ZNF248: variants seen among roughly 807,000 people sequenced by gnomAD.
The protein encoded by ZNF248 is KRAB protein domain.
A neutral mutation model predicts 44.3 loss-of-function variants in ZNF248; 20 were observed. That is an observed-to-expected ratio of 0.45 (90% CI 0.32 to 0.66). The LOEUF (loss-of-function observed/expected upper bound fraction) is 0.66, where lower values mean the gene tolerates loss of function less well. ZNF248 is among the 30% of genes least tolerant of loss of function. The probability of loss-of-function intolerance (pLI) is 0.04; values close to 1 mark genes in which losing one functional copy is unlikely to be tolerated. For synonymous variants in ZNF248, 224 were observed against 229.0 expected, an observed-to-expected ratio of 0.98 and a Z score of 0.20; for missense variants, 654 against 677.0, an observed-to-expected ratio of 0.97 and a Z score of 0.38.
At chr10:37,772,253 A>C (rs1212968035), downstream of ZNF248, among the ~76,000 whole-genome samples, 2 of 150,080 alleles carry the variant, frequency 1.3e-5, no homozygotes. Flanking sequence ...CAACAGAGTG[A>C]GACTGTCTCA....
intron 6 of ZNF248, among the ~76,000 whole-genome samples, chr10:37,790,036 C>G (rs897175558): frequency 6.7e-6 from 1 of 149,096 alleles, no homozygotes; most frequent in South Asian, 2.1e-4. Context: ...CTGAGGTGGG[C>G]GGATCACAAG....
Position 37,831,872 on chromosome 10 carries a change from T to C in ZNF248, c.1483A>G (p.Asn495Asp), listed in dbSNP as rs1373498820. 1 of 1,614,074 alleles carries C rather than the reference T, an allele frequency of 6.2e-7. No individual in the cohort carries two copies. The highest frequency in any genetic ancestry group is 1.7e-5 in the Admixed American group (1 of 60,018). Residue 495 changes from asparagine to aspartate, a missense_variant, in exon 6 of 6, where the codon AAT becomes GAT. Physicochemically the swap from Asn to Asp is conservative, Grantham distance 23 (BLOSUM62 1). Coordinates refer to ENST00000395867, the MANE Select transcript of ZNF248 (RefSeq NM_021045.3). Reference protein sequence around the residue: ...THTGEKPFICNECGKSFCVKS... With the variant: ...THTGEKPFICDECGKSFCVKS... ...ACACAGAAGGATTTTCCACATTCAT[T>C]ACATATAAACGGTTTCTCCCCTGTG...
the ZNF248 span, among the ~76,000 whole-genome samples, chr10:37,760,188 A>G: frequency 6.6e-6 from 1 of 152,172 alleles, no homozygotes; most frequent in African/African-American, 2.4e-5. Context: ...ACAAAAATAT[A>G]TGGGGGGAAT....
At chr10:37,767,830 C>T in the ZNF248 span, among the ~76,000 whole-genome samples, 5 of 152,080 alleles carry the variant, frequency 3.3e-5, no homozygotes, top group African/African-American at 9.7e-5. Context: ...CACAGACTGG[C>T]AAATTGGATA....
chr10:37,821,744 A>G (rs1416327917), intron 6 of ZNF248, among the ~76,000 whole-genome samples: 1 of 152,206 alleles, frequency 6.6e-6, no homozygotes, highest in East Asian at 1.9e-4. Flanking sequence ...ACCTACATCC[A>G]GGACAGGCTT....
chr10:37,821,617 T>A (rs1026401565), intron 6 of ZNF248, among the ~76,000 whole-genome samples: 1 of 152,106 alleles, frequency 6.6e-6, no homozygotes, highest in Non-Finnish European at 1.5e-5. Context: ...CACAGGGAGC[T>A]TTCCTCAAAG....
intron 6 of ZNF248, among the ~76,000 whole-genome samples, chr10:37,802,548 A>C (rs986403963): frequency 6.6e-6 from 1 of 152,206 alleles, no homozygotes; most frequent in East Asian, 1.9e-4. Context: ...AAAAATTTAA[A>C]ACAACAGAGA....
At chr10:37,784,562 C>A (rs1252787055) in intron 6 of ZNF248, among the ~76,000 whole-genome samples, 1 of 152,174 alleles carries the variant, frequency 6.6e-6, no homozygotes, top group African/African-American at 2.4e-5. Flanking sequence ...AAATAATAAT[C>A]TCTGGAGCTT....
At chr10:37,814,790 T>C (rs997049648) in intron 6 of ZNF248, among the ~76,000 whole-genome samples, 7 of 152,246 alleles carry the variant, frequency 4.6e-5, no homozygotes, top group African/African-American at 1.4e-4. Context: ...GTATGTTATG[T>C]ATAAGCTGCT....
chr10:37,798,760 T>A (rs757954598), intron 6 of ZNF248, among the ~76,000 whole-genome samples: 3 of 152,114 alleles, frequency 2.0e-5, no homozygotes, highest in Non-Finnish European at 4.4e-5. Context: ...AAAATGCACA[T>A]GTAAAAACTT....
downstream of ZNF248, among the ~76,000 whole-genome samples, chr10:37,771,666 C>A (rs1477087978): frequency 6.6e-6 from 1 of 151,636 alleles, no homozygotes; most frequent in Non-Finnish European, 1.5e-5. Context: ...GGAGATATAT[C>A]TAATGCTAAA....
intron 3 of ZNF248, among the ~76,000 whole-genome samples, chr10:37,843,614 T>C (rs565044463): frequency 6.6e-6 from 1 of 152,198 alleles, no homozygotes; most frequent in Admixed American, 6.5e-5. Flanking sequence ...AGCCCAGATA[T>C]TGGACTTACT....
At chr10:37,769,964 T>C in the ZNF248 span, among the ~76,000 whole-genome samples, 3 of 152,142 alleles carry the variant, frequency 2.0e-5, no homozygotes, top group Non-Finnish European at 2.9e-5. Flanking sequence ...TCACAAGCAT[T>C]CTTATACACC....
intron 3 of ZNF248, among the ~76,000 whole-genome samples, chr10:37,844,546 A>G (rs1385278702): frequency 9.9e-5 from 15 of 152,246 alleles, no homozygotes; most frequent in Non-Finnish European, 1.5e-5. Flanking sequence ...TTATAAATCT[A>G]TGTCATTCAG....
chr10:37,774,847 C>A (rs1306466031), downstream of ZNF248, among the ~76,000 whole-genome samples: 1 of 152,138 alleles, frequency 6.6e-6, no homozygotes, highest in Non-Finnish European at 1.5e-5. Flanking sequence ...GTGGCACAAT[C>A]TCAGCTCACT....
At chr10:37,762,905 TG>T in the ZNF248 span, among the ~76,000 whole-genome samples, 1 of 152,218 alleles carries the variant, frequency 6.6e-6, no homozygotes, top group Non-Finnish European at 1.5e-5. Flanking sequence ...GTAAAAATTA[TG>T]TACTTGATCA....
At chr10:37,781,282 T>A (rs967322806) in intron 6 of ZNF248, among the ~76,000 whole-genome samples, 4 of 152,110 alleles carry the variant, frequency 2.6e-5, no homozygotes, top group Non-Finnish European at 5.9e-5. Flanking sequence ...CCCACGTGAG[T>A]GACAGAGGTA....
At chr10:37,803,114 G>C (rs1017758239) in intron 6 of ZNF248, 11 of 152,128 alleles carry the variant, frequency 7.2e-5, no homozygotes, top group African/African-American at 2.7e-4. Context: ...ATGAGCCACC[G>C]AGCTCAGCCC....
intron 6 of ZNF248, among the ~76,000 whole-genome samples, chr10:37,790,079 G>C (rs2133048380): frequency 6.7e-6 from 1 of 148,916 alleles, no homozygotes; most frequent in Non-Finnish European, 1.5e-5. Context: ...GGCTAACACA[G>C]TGAAACCCCG....
Sources: gnomAD v4.1 joint callset for allele counts (sites outside exome capture counted in the v4.1 genomes callset) on GRCh38, gnomAD v4.1.1 for gene constraint, MANE v1.5 for transcripts, NCBI Gene and HGNC (gene_info 2026-07-23, HGNC 2026-07-21) for gene names.